Variants in NCKAP1 observed in about 807,000 individuals in gnomAD.
NCKAP1 encodes nck-associated protein 1.
A neutral mutation model predicts 151.2 loss-of-function variants in NCKAP1; 21 were observed. The observed-to-expected ratio is 0.14, with a 90% CI of 0.10 to 0.20. The LOEUF is 0.20. Among genes scored for constraint, NCKAP1 ranks in the 10% least tolerant of loss-of-function variants. The pLI is 1.00. For synonymous variants in NCKAP1, 484 were observed against 451.8 expected (o/e 1.07, Z -0.90); for missense variants, 933 against 1,352.1 (o/e 0.69, Z 4.86).
rs886294748 is a variant in NCKAP1 at position 182,920,431 on chromosome 2, T to G, written c.*5271A>C. ...CCACATCATTCCAGTGTCACATTTC[T>G]AGAACCAAAATATGAGTCCGTGTGG... On this transcript the variant is annotated 3_prime_UTR_variant, in exon 31 of 31. Transcript: ENST00000361354. 6.6e-6 allele frequency: 1 copy of G among 152,236 alleles called. No individual in the cohort carries two copies. The highest frequency in any genetic ancestry group is 2.4e-5 in the African/African-American group (1 of 41,462). 9.4% of individuals were successfully genotyped at this position (152,236 alleles called of 1,614,324 possible). A position where few individuals can be genotyped will look rare whatever the true frequency, so the allele number is the denominator to read the frequency against.
intron 1 of NCKAP1, among the ~76,000 whole-genome samples, chr2:183,034,561 T>C (rs1273414249): frequency 6.6e-6 from 1 of 152,124 alleles, no homozygotes; most frequent in Non-Finnish European, 1.5e-5. Context: ...CACAAAAATT[T>C]AACTGAGCAA....
intron 23 of NCKAP1, among the ~76,000 whole-genome samples, chr2:182,946,664 A>T (rs1444009367): frequency 6.6e-6 from 1 of 150,724 alleles, no homozygotes; most frequent in Non-Finnish European, 1.5e-5. Flanking sequence ...AATGTAGAGA[A>T]TTTTAAATGT....
intron 8 of NCKAP1, among the ~76,000 whole-genome samples, chr2:182,994,089 T>G (rs1698220502): frequency 6.6e-6 from 1 of 152,184 alleles, no homozygotes; most frequent in Non-Finnish European, 1.5e-5. Context: ...ACTAGTACTT[T>G]TATCTCCTGT....
At chr2:182,954,717 T>G (rs1162598729) in intron 20 of NCKAP1, among the ~76,000 whole-genome samples, 1 of 151,970 alleles carries the variant, frequency 6.6e-6, no homozygotes, top group Non-Finnish European at 1.5e-5. Context: ...ACTTGGGAGA[T>G]GGAGGTTGCA....
At chr2:182,961,133 G>A (rs147419388) in intron 18 of NCKAP1, among the ~76,000 whole-genome samples, 5,100 of 152,248 alleles carry the variant, frequency 0.033, 101 homozygotes, top group Middle Eastern at 0.054. Context: ...CACTGTTGGT[G>A]GGACTGTAAA....
At chr2:182,927,161 C>A in intron 29 of NCKAP1, 1 of 329,682 alleles carries the variant, frequency 3.0e-6, no homozygotes, top group Non-Finnish European at 5.5e-6. Context: ...TTTTTCAGAA[C>A]AAGTCTGCTT....
intron 15 of NCKAP1, among the ~76,000 whole-genome samples, 164 bp downstream of exon 15, chr2:182,976,729 T>C (rs1264278958): frequency 6.6e-6 from 1 of 152,142 alleles, no homozygotes; most frequent in Non-Finnish European, 1.5e-5. Context: ...TATTAATATA[T>C]TTATCCAACT....
In NCKAP1 at chr2:182,928,958, G is replaced by A. The variant is rs144079530; in HGVS notation, c.2954-59C>T. On this transcript the variant is annotated intron_variant, in intron 27 of 30. Transcript: ENST00000361354. ...ATTTCTTCAAGATTAGTTAAGATTT[G>A]ATAATCTAAACTAAACAGATTTTTA... The A allele has an allele frequency of 7.7e-5, 87 of 1,131,332 alleles. No homozygotes were observed. In the African/African-American group the frequency reaches 1.2e-3, roughly 16 times the overall value. The allele number at this position is 1,131,332 out of a possible 1,614,324, so 70.1% of individuals were successfully genotyped here.
rs1314800875 is a variant in NCKAP1 at position 182,912,417 on chromosome 2, T to C, written c.*13285A>G. The C allele has an allele frequency of 1.3e-5, 2 of 152,210 alleles. No individual in the cohort carries two copies. Among genetic ancestry groups the C allele is most frequent in the African/African-American group, 2.4e-5 (1 of 41,472 alleles). The allele number at this position is 152,210 out of a possible 1,614,324, so 9.4% of individuals were successfully genotyped here. On this transcript the variant is annotated 3_prime_UTR_variant, in exon 31 of 31. Transcript: ENST00000361354. ...AAAGAGTTTTCACATGAGCTCTCTA[T>C]GTGGCAATGAGATACAAGTGCCATC...
At chr2:182,970,647 C>T (rs183278129) in intron 15 of NCKAP1, among the ~76,000 whole-genome samples, 169 of 152,194 alleles carry the variant, frequency 1.1e-3, no homozygotes, top group African/African-American at 3.9e-3. Context: ...ATGATGAACC[C>T]GCAGCTAGCA....
At chr2:182,972,701 A>C (rs928827346) in intron 15 of NCKAP1, among the ~76,000 whole-genome samples, 1 of 152,218 alleles carries the variant, frequency 6.6e-6, no homozygotes, top group Non-Finnish European at 1.5e-5. Context: ...ATATATACAC[A>C]ATGGAATATT....
At chr2:182,963,639 A>C (rs1248908864) in intron 17 of NCKAP1, among the ~76,000 whole-genome samples, 1 of 152,150 alleles carries the variant, frequency 6.6e-6, no homozygotes, top group African/African-American at 2.4e-5. Flanking sequence ...TGACAATAGC[A>C]ATGGAAAGTA....
chr2:182,994,625 C>A (rs900196102), intron 8 of NCKAP1, among the ~76,000 whole-genome samples: 4 of 149,528 alleles, frequency 2.7e-5, no homozygotes, highest in African/African-American at 9.9e-5. Context: ...GATGACAGAG[C>A]AAGACCTCAT....
intron 14 of NCKAP1, among the ~76,000 whole-genome samples, chr2:182,978,027 A>G (rs531280570): frequency 9.8e-5 from 15 of 152,308 alleles, no homozygotes; most frequent in African/African-American, 3.1e-4. Context: ...GTCAATTTAC[A>G]GGAGTTTGAA....
chr2:183,003,528 C>G (rs566131711), intron 2 of NCKAP1, among the ~76,000 whole-genome samples: 9 of 151,926 alleles, frequency 5.9e-5, no homozygotes, highest in Admixed American at 2.0e-4. Flanking sequence ...GGCTATAAAA[C>G]AAATCAAAGC....
intron 2 of NCKAP1, among the ~76,000 whole-genome samples, chr2:183,020,504 T>C (rs1698778016): frequency 6.6e-6 from 1 of 150,952 alleles, no homozygotes; most frequent in Admixed American, 6.6e-5. Flanking sequence ...AAAAAATTTA[T>C]TGCATTTTCA....
intron 6 of NCKAP1, among the ~76,000 whole-genome samples, chr2:182,996,717 A>G (rs1698277443): frequency 6.6e-6 from 1 of 152,098 alleles, no homozygotes; most frequent in Non-Finnish European, 1.5e-5. Flanking sequence ...CGGCCTCCCA[A>G]AGTGTTGGGA....
chr2:182,977,824 T>C (rs1192836806), intron 14 of NCKAP1, among the ~76,000 whole-genome samples: 3 of 152,216 alleles, frequency 2.0e-5, no homozygotes, highest in African/African-American at 4.8e-5. Context: ...TACTGAACTA[T>C]ACACTCAAAA....
intron 17 of NCKAP1, among the ~76,000 whole-genome samples, chr2:182,964,150 A>T (rs1697513153): frequency 6.6e-6 from 1 of 152,192 alleles, no homozygotes; most frequent in Non-Finnish European, 1.5e-5. Flanking sequence ...GATACTTGGC[A>T]TCAACAAAAC....
Sources: gnomAD v4.1 joint callset for allele counts (sites outside exome capture counted in the v4.1 genomes callset) on GRCh38, gnomAD v4.1.1 for gene constraint, MANE v1.5 for transcripts, NCBI Gene and HGNC (gene_info 2026-07-23, HGNC 2026-07-21) for gene names.